EXOC3: variants seen among roughly 807,000 people sequenced by gnomAD.
EXOC3 encodes SEC6-like 1.
Under a neutral mutation model 73.7 loss-of-function variants are expected in EXOC3, and 21 were observed. The observed-to-expected ratio is 0.29, with a 90% CI of 0.20 to 0.41. EXOC3 has a LOEUF of 0.41. Among genes scored for constraint, EXOC3 ranks in the 10% least tolerant of loss-of-function variants. The pLI, the probability that EXOC3 is intolerant of heterozygous loss-of-function variation, is 1.00. For missense variants in EXOC3, 842 were observed against 985.1 expected, an observed-to-expected ratio of 0.85 and a Z score of 1.95; for synonymous variants, 410 against 389.1, an observed-to-expected ratio of 1.05 and a Z score of -0.63.
chr5:464,574 G>T (rs1738081421), intron 10 of EXOC3, 162 bp downstream of exon 10: 4 of 681,112 alleles, frequency 5.9e-6, no homozygotes, highest in Admixed American at 4.9e-5. Flanking sequence ...CACCTCCCTG[G>T]GACGGGGCTC....
intron 6 of EXOC3, 140 bp from the exon 7 acceptor site, chr5:459,219 T>G: frequency 8.7e-5 from 27 of 311,922 alleles, no homozygotes; most frequent in Non-Finnish European, 8.0e-5. Flanking sequence ...ATTTTTCACG[T>G]GGTTTCATTT....
intron 3 of EXOC3, among the ~76,000 whole-genome samples, chr5:448,034 C>T (rs527602662): frequency 8.5e-5 from 13 of 152,288 alleles, no homozygotes; most frequent in South Asian, 8.3e-4. Context: ...GTGTCGTTCC[C>T]TTGCTTGCGA....
chr5:459,585 A>C, intron 7 of EXOC3, 126 bp downstream of exon 7: 1 of 534,716 alleles, frequency 1.9e-6, no homozygotes, highest in Non-Finnish European at 3.4e-6. Flanking sequence ...CCCACGTGTC[A>C]CTCCTGTGTT....
At position 453,837 on chromosome 5, in the gene EXOC3, C is replaced by T. The variant is rs372678589; in HGVS notation, c.832C>T (p.His278Tyr). The change falls in exon 4 of 13, where the codon CAC (histidine) becomes TAC (tyrosine). Residue 278 changes from histidine to tyrosine, a missense_variant. By Grantham distance (83) the His-to-Tyr change is moderately conservative. Coordinates refer to ENST00000512944, the MANE Select transcript of EXOC3 (RefSeq NM_007277.5). Reference protein sequence around the residue: ...RESDKMWLVRHLEIIRKYVLD... With the variant: ...RESDKMWLVRYLEIIRKYVLD... ...GTCTGACAAGATGTGGCTTGTCCGC[C>T]ACCTGGAAATTATAAGGAAGTACGT... 3 of 1,613,860 alleles carry T rather than the reference C, an allele frequency of 1.9e-6. No individual in the cohort carries two copies. The highest frequency in any genetic ancestry group is 2.5e-6 in the Non-Finnish European group (3 of 1,179,884).
At chr5:452,799 T>C (rs1737693988) in intron 3 of EXOC3, among the ~76,000 whole-genome samples, 1 of 152,268 alleles carries the variant, frequency 6.6e-6, no homozygotes, top group South Asian at 2.1e-4. Context: ...GAATTTTTCC[T>C]ATAAATGCAG....
intron 6 of EXOC3, 33 bp from the exon 7 acceptor site, chr5:459,326 T>C: frequency 8.0e-7 from 1 of 1,243,180 alleles, no homozygotes; most frequent in Non-Finnish European, 1.1e-6. Flanking sequence ...CCTGTAAGAT[T>C]ATACCAGAAT....
At chr5:464,536 C>T (rs1040343650) in intron 10 of EXOC3, 124 bp downstream of exon 10, 1 of 1,085,468 alleles carries the variant, frequency 9.2e-7, no homozygotes, top group Non-Finnish European at 1.4e-6. Flanking sequence ...CCTATCAGCC[C>T]AAGGGAGGCA....
intron 1 of EXOC3, among the ~76,000 whole-genome samples, chr5:445,528 G>C (rs1381101144): frequency 6.6e-6 from 1 of 151,980 alleles, no homozygotes; most frequent in Non-Finnish European, 1.5e-5. Flanking sequence ...TTTTTTGTGT[G>C]TATTTTTAGT....
chr5:450,267 C>A (rs1737625714), intron 3 of EXOC3, among the ~76,000 whole-genome samples: 1 of 152,148 alleles, frequency 6.6e-6, no homozygotes, highest in Admixed American at 6.5e-5. Flanking sequence ...CAAAACAAAA[C>A]AAAAGTCCCT....
chr5:444,042 T>TCCTGGCAGAGGTGTCTG (rs1737431266), intron 1 of EXOC3, among the ~76,000 whole-genome samples: 1 of 151,968 alleles, frequency 6.6e-6, no homozygotes, highest in Non-Finnish European at 1.5e-5. Context: ...AAAGGGTCCC[T>TCCTGGCAGAGGTGTCTG]CCTGGCAGAG....
chr5:445,365 T>TC (rs569556976), intron 1 of EXOC3, among the ~76,000 whole-genome samples: 2 of 151,352 alleles, frequency 1.3e-5, no homozygotes, highest in Non-Finnish European at 3.0e-5. Context: ...TTTTTTTTTT[T>TC]TTGAGACGGA....
chr5:457,869 T>C (rs1737867375), intron 5 of EXOC3, 31 bp from the exon 6 acceptor site: 2 of 1,589,080 alleles, frequency 1.3e-6, no homozygotes, highest in Non-Finnish European at 1.7e-6. Flanking sequence ...TCTTCTCTCT[T>C]CTCTTCTCCA....
chr5:465,050 T>G, intron 10 of EXOC3, 61 bp from the exon 11 acceptor site: 1 of 1,470,448 alleles, frequency 6.8e-7, no homozygotes, highest in African/African-American at 1.4e-5. Context: ...TGGGTTTCAA[T>G]GAGGGTGCTC....
In EXOC3 at chr5:447,654, G is replaced by A. The variant is rs1487293394; in HGVS notation, c.266G>A (p.Ser89Asn). Residue 89 changes from serine (S) to asparagine (N), a missense_variant, in exon 3 of 13, where the codon AGC becomes AAC. Coordinates refer to ENST00000512944, the MANE Select transcript of EXOC3 (RefSeq NM_007277.5). ...LADVSKDWRQSINTIESLKDV... is the reference protein window; with the variant it reads ...LADVSKDWRQNINTIESLKDV... ...GACGTCAGCAAGGACTGGAGGCAGA[G>A]CATCAACACCATTGAGAGCCTCAAG... 1 of 1,588,472 alleles carries A rather than the reference G, an allele frequency of 6.3e-7. No homozygotes were observed. The highest frequency in any genetic ancestry group is 1.8e-5 in the Admixed American group (1 of 56,270).
In EXOC3 at chr5:460,320, T is replaced by G. The variant is rs529821908; in HGVS notation, c.1391+861T>G. ...CTCTGTAGAGAGATGTCCCTCAGCC[T>G]CCTCCTCAGTCTACTGTCAGCTCCC... On this transcript the variant is annotated intron_variant, in intron 7 of 12. Coordinates refer to ENST00000512944, the MANE Select transcript of EXOC3 (RefSeq NM_007277.5). Among the ~76,000 whole-genome samples, 13 of 151,698 alleles carry G rather than the reference T, an allele frequency of 8.6e-5. No individual in the cohort carries two copies. The South Asian group carries it at 1.9e-3, about 22-fold the overall frequency.
chr5:456,740 C>A, intron 4 of EXOC3, 149 bp from the exon 5 acceptor site: 1 of 676,764 alleles, frequency 1.5e-6, no homozygotes. Flanking sequence ...CCCTGCCCTG[C>A]ACTTTCCCCT....
At position 465,248 on chromosome 5, in the gene EXOC3, C is replaced by T. The variant is rs759520085; in HGVS notation, c.1914C>T (p.Arg638=). The stretch of plus-strand genomic sequence containing the variant: ...TGGTTAGGGAGGCAGAGCAGCTGCG[C>T]TTCCTGTTCCGGAAGCTGGCGTCCG... ...EKMVREAEQL[R]FLFRKLASGF... Residue 638 remains arginine, a synonymous_variant, in exon 11 of 13, where the codon CGC becomes CGT. Coordinates refer to ENST00000512944, the MANE Select transcript of EXOC3 (RefSeq NM_007277.5). 3.8e-6 allele frequency: 6 copies of T among 1,589,346 alleles called. No homozygotes were observed. Among genetic ancestry groups the T allele is most frequent in the Non-Finnish European group, 5.1e-6 (6 of 1,168,428 alleles).
intron 1 of EXOC3, 72 bp from the exon 2 acceptor site, chr5:446,078 C>T: frequency 9.7e-7 from 1 of 1,030,430 alleles, no homozygotes; most frequent in Non-Finnish European, 1.5e-6. Context: ...GCTTGTAGCT[C>T]CACTGTGATC....
chr5:461,747 C>T, intron 7 of EXOC3: 1 of 554,092 alleles, frequency 1.8e-6, no homozygotes, highest in Non-Finnish European at 3.2e-6. Context: ...ATTTTAAAGC[C>T]TGAGGTGAAG....
Sources: allele counts gnomAD v4.1 joint callset (sites outside exome capture counted in the v4.1 genomes callset), GRCh38; gene constraint gnomAD v4.1.1; transcripts MANE v1.5; gene names NCBI Gene and HGNC (gene_info 2026-07-23, HGNC 2026-07-21).